Variants in HKDC1 observed in about 807,000 individuals in gnomAD.
HKDC1 encodes the protein hexokinase HKDC1.
Under a neutral mutation model 96.6 loss-of-function variants are expected in HKDC1, and 66 were observed. The observed-to-expected ratio is 0.68, with a 90% CI of 0.56 to 0.84. The LOEUF (loss-of-function observed/expected upper bound fraction) is 0.84. Among genes scored for constraint, HKDC1 ranks in the 40% least tolerant of loss-of-function variants. The pLI, the probability that HKDC1 is intolerant of heterozygous loss-of-function variation, is 0.00. For missense variants in HKDC1, 1,211 were observed against 1,208.1 expected, an observed-to-expected ratio of 1.00 and a Z score of -0.04; for synonymous variants, 466 against 473.1, an observed-to-expected ratio of 0.98 and a Z score of 0.20.
intron 4 of HKDC1, among the ~76,000 whole-genome samples, chr10:69,236,406 C>A (rs181953124): frequency 6.6e-6 from 1 of 151,526 alleles, no homozygotes; most frequent in Non-Finnish European, 1.5e-5. Flanking sequence ...CCACTGTGCC[C>A]GGCCCATTTT....
chr10:69,241,214 C>T (rs1449493310), intron 6 of HKDC1, among the ~76,000 whole-genome samples: 2 of 152,092 alleles, frequency 1.3e-5, no homozygotes, highest in East Asian at 3.9e-4. Flanking sequence ...GTAGGGAGTC[C>T]CTGCCAAAGG....
chr10:69,248,185 A>G (rs530350195), intron 9 of HKDC1, among the ~76,000 whole-genome samples: 2 of 149,018 alleles, frequency 1.3e-5, no homozygotes, highest in African/African-American at 5.0e-5. Flanking sequence ...TTATGCACAG[A>G]CTGGTTGAAA....
intron 4 of HKDC1, among the ~76,000 whole-genome samples, chr10:69,237,400 G>C (rs976335396): frequency 1.3e-5 from 2 of 151,072 alleles, no homozygotes; most frequent in African/African-American, 4.9e-5. Flanking sequence ...GTTTAAAGAA[G>C]AAAATAGAAA....
At position 69,233,089 on chromosome 10, in the gene HKDC1, G is replaced by T; in HGVS notation, c.451G>T (p.Gly151Cys). Reference sequence around the variant, plus strand: ...TTTAAAGCATAAGAAATTGCCCCTTGGCCTAACTTTTTCTTTCCCCTGTCG... The same window carrying T: ...TTTAAAGCATAAGAAATTGCCCCTTTGCCTAACTTTTTCTTTCCCCTGTCG... Reference protein sequence around the residue: ...KDLKHKKLPLGLTFSFPCRQT... With the variant: ...KDLKHKKLPLCLTFSFPCRQT... The change falls in exon 4 of 18, where the codon GGC becomes TGC. Residue 151 changes from glycine (G) to cysteine (C), a missense_variant. Coordinates refer to ENST00000354624, the MANE Select transcript of HKDC1 (RefSeq NM_025130.4). 1 of 1,614,158 alleles carries T rather than the reference G, an allele frequency of 6.2e-7. No homozygotes were observed. The highest frequency in any genetic ancestry group is 8.5e-7 in the Non-Finnish European group (1 of 1,180,034).
In HKDC1 at chr10:69,252,561, C is replaced by T. The variant is rs924848780; in HGVS notation, c.1836+1909C>T. Among the ~76,000 whole-genome samples, 7 of 149,344 alleles carry T rather than the reference C, an allele frequency of 4.7e-5. No individual in the cohort carries two copies. In the East Asian group the frequency reaches 6.0e-4, roughly 13 times the overall value. On this transcript the variant is annotated intron_variant, in intron 12 of 17. Transcript: ENST00000354624. ...TTGGGAGGCTGAGGCAGGAGAATGG[C>T]GTGAACCCAGGAGGCGGAGCTTGCA...
At chr10:69,233,465 C>T (rs565699628) in intron 4 of HKDC1, among the ~76,000 whole-genome samples, 5 of 152,172 alleles carry the variant, frequency 3.3e-5, no homozygotes, top group East Asian at 1.9e-4. Flanking sequence ...GCCCTAAATT[C>T]GCCTCCCTGA....
At chr10:69,255,435 C>T (rs1324720890) in intron 12 of HKDC1, among the ~76,000 whole-genome samples, 1 of 152,140 alleles carries the variant, frequency 6.6e-6, no homozygotes, top group East Asian at 1.9e-4. Context: ...GGCATCCAGC[C>T]ACGGGGCTGA....
At chr10:69,258,641 G>A in intron 14 of HKDC1, 135 bp from the exon 15 acceptor site, 1 of 873,340 alleles carries the variant, frequency 1.1e-6, no homozygotes, top group Non-Finnish European at 1.9e-6. Flanking sequence ...AGGTTAGCCA[G>A]CTATGACTGT....
chr10:69,223,890 G>A (rs1041604170), intron 1 of HKDC1, among the ~76,000 whole-genome samples: 2 of 149,350 alleles, frequency 1.3e-5, no homozygotes, highest in Non-Finnish European at 3.0e-5. Flanking sequence ...GCCTCATTTG[G>A]ATACTTTCAA....
intron 16 of HKDC1, among the ~76,000 whole-genome samples, chr10:69,264,195 TTCTGTGTGTGTGTGTGTG>T (rs1843853495): frequency 8.9e-6 from 1 of 112,262 alleles, no homozygotes; most frequent in African/African-American, 3.3e-5. Context: ...ATAGATTTCC[TTCTGTGTGTGTGTGTGTG>T]TGTGTGTGTG....
chr10:69,249,989 G>A (rs867416421), intron 10 of HKDC1, among the ~76,000 whole-genome samples: 2 of 152,330 alleles, frequency 1.3e-5, no homozygotes, highest in African/African-American at 4.8e-5. Flanking sequence ...TTTCTCAGAA[G>A]CCCCAGGTCC....
At chr10:69,230,925 T>C (rs1335046100) in intron 2 of HKDC1, among the ~76,000 whole-genome samples, 1 of 152,154 alleles carries the variant, frequency 6.6e-6, no homozygotes, top group Non-Finnish European at 1.5e-5. Flanking sequence ...TGGCCGGGGC[T>C]GTTTTCTTGA....
intron 8 of HKDC1, among the ~76,000 whole-genome samples, chr10:69,247,017 C>T (rs777709792): frequency 1.4e-4 from 22 of 152,224 alleles, no homozygotes; most frequent in Admixed American, 3.9e-4. Flanking sequence ...GTTCAAATCT[C>T]GGCTCTAGCC....
At chr10:69,239,517 G>A (rs1589408058) in intron 5 of HKDC1, among the ~76,000 whole-genome samples, 2 of 152,144 alleles carry the variant, frequency 1.3e-5, no homozygotes, top group Non-Finnish European at 2.9e-5. Context: ...TTTCTGGGCT[G>A]GTTCTCTATT....
In HKDC1 at chr10:69,227,253, T is replaced by G. The variant is rs368046305; in HGVS notation, c.110T>G (p.Leu37Trp). 1.2e-6 allele frequency: 2 copies of G among 1,614,054 alleles called. No individual in the cohort carries two copies. Among genetic ancestry groups the G allele is most frequent in the African/African-American group, 2.7e-5 (2 of 74,914 alleles). The change falls in exon 2 of 18, where the codon TTG becomes TGG. Residue 37 changes from leucine to tryptophan, a missense_variant. Coordinates refer to ENST00000354624, the MANE Select transcript of HKDC1 (RefSeq NM_025130.4). ...ATGCGGCTCTCCGATGACACCCTTT[T>G]GGACATCATGAGGCGGTTCCGGGCT... ...YHMRLSDDTL[L>W]DIMRRFRAEM...
In HKDC1 at chr10:69,259,104, A is replaced by C. The variant is rs563617036; in HGVS notation, c.2216+145A>C. On this transcript the variant is annotated intron_variant, in intron 15 of 17. Transcript: ENST00000354624. ...AAATATCCTATTGGAACAAAAGAAA[A>C]ATATGATGACAAGTTTGCAACAGGT... 5.0e-5 allele frequency: 32 copies of C among 646,016 alleles called. 1 individual carries two copies. The South Asian group carries it at 1.1e-3, about 22-fold the overall frequency. The allele number at this position is 646,016 out of a possible 1,614,324, so 40.0% of individuals were successfully genotyped here. A position where few individuals can be genotyped will look rare whatever the true frequency, so the allele number is the denominator to read the frequency against.
chr10:69,250,465 G>A (rs533531402), intron 11 of HKDC1, 30 bp downstream of exon 11: 37 of 1,611,768 alleles, frequency 2.3e-5, no homozygotes, highest in African/African-American at 4.0e-5. Flanking sequence ...TTTGGGCTCC[G>A]AGGTGCCAGC....
At chr10:69,264,314 A>G (rs569865616) in intron 16 of HKDC1, among the ~76,000 whole-genome samples, 1 of 151,214 alleles carries the variant, frequency 6.6e-6, no homozygotes, top group African/African-American at 2.4e-5. Context: ...GTATTTTATA[A>G]TCTATTTTTT....
chr10:69,236,911 A>G (rs1016772028), intron 4 of HKDC1, among the ~76,000 whole-genome samples: 1 of 152,236 alleles, frequency 6.6e-6, no homozygotes, highest in Non-Finnish European at 1.5e-5. Context: ...GTTAAGTAGT[A>G]AAGTTCCAAC....
Sources: allele counts gnomAD v4.1 joint callset (sites outside exome capture counted in the v4.1 genomes callset), GRCh38; gene constraint gnomAD v4.1.1; transcripts MANE v1.5; gene names NCBI Gene and HGNC (gene_info 2026-07-23, HGNC 2026-07-21).